Variants in RALY observed in about 807,000 individuals in gnomAD.
RALY encodes the protein RALY heterogeneous nuclear ribonucleoprotein, also known as RNA-binding protein Raly.
A neutral mutation model predicts 30.7 loss-of-function variants in RALY; 15 were observed. The observed-to-expected ratio is 0.49, with a 90% CI of 0.33 to 0.75. The LOEUF is 0.75. Among genes scored for constraint, RALY ranks in the 30% least tolerant of loss-of-function variants. The pLI, the probability that RALY is intolerant of heterozygous loss-of-function variation, is 0.02. For missense variants in RALY, 339 were observed against 414.3 expected (o/e 0.82, Z 1.58); for synonymous variants, 177 against 170.8 (o/e 1.04, Z -0.28).
At position 34,080,491 on chromosome 20, in the gene RALY, T is replaced by A. The variant is rs1193180741; in HGVS notation, c.*586T>A. 6.6e-6 allele frequency: 1 copy of A among 152,230 alleles called. No individual in the cohort carries two copies. Among genetic ancestry groups the A allele is most frequent in the Non-Finnish European group, 1.5e-5 (1 of 68,066 alleles). The allele number at this position is 152,230 out of a possible 1,614,324, so 9.4% of individuals were successfully genotyped here. A position where few individuals can be genotyped will look rare whatever the true frequency, so the allele number is the denominator to read the frequency against. ...GTGACCCACTTGGTTTACCCCATAG[T>A]AGGTCAAGACCTTATCTCTTTCCCC... is the stretch of plus-strand genomic sequence containing the variant. On this transcript the variant is annotated 3_prime_UTR_variant, in exon 10 of 10. Coordinates refer to ENST00000246194, the MANE Select transcript of RALY (RefSeq NM_016732.3).
intron 2 of RALY, among the ~76,000 whole-genome samples, chr20:34,033,451 AT>A (rs2032360957): frequency 6.6e-6 from 1 of 152,200 alleles, no homozygotes; most frequent in African/African-American, 2.4e-5. Flanking sequence ...AAAGTTCAAG[AT>A]TGGGTGTCTG....
intron 1 of RALY, among the ~76,000 whole-genome samples, chr20:34,004,500 A>G (rs891588280): frequency 3.9e-5 from 6 of 152,204 alleles, no homozygotes; most frequent in African/African-American, 1.4e-4. Flanking sequence ...CAACTTGAGT[A>G]GAGGCACAGA....
chr20:34,053,383 ATTTTTTTTT>A lies in RALY; in HGVS notation c.-9-18659_-9-18651del, dbSNP rs60912814. 6.0e-3 allele frequency among the ~76,000 whole-genome samples: 327 copies of A among 54,146 alleles called. 5 individuals carry two copies. Among genetic ancestry groups the A allele is most frequent in the African/African-American group, 0.021 (265 of 12,750 alleles). 35.5% of individuals were successfully genotyped at this position (54,146 alleles called of 152,430 possible). A position where few individuals can be genotyped will look rare whatever the true frequency, so the allele number is the denominator to read the frequency against. On this transcript the variant is annotated intron_variant, in intron 2 of 9. Transcript: ENST00000246194. ...GCCAACATTTAGTAGATGTTCAATA[ATTTTTTTTT>A]TTTTTTTTTTTTTTTTTTTTTTTGA... is the stretch of plus-strand genomic sequence containing the variant.
At chr20:34,036,690 T>C (rs2032508737) in intron 2 of RALY, among the ~76,000 whole-genome samples, 1 of 152,234 alleles carries the variant, frequency 6.6e-6, no homozygotes, top group South Asian at 2.1e-4. Flanking sequence ...GAGTTTAAAA[T>C]TACTAATTCA....
chr20:34,053,722 T>G lies in RALY; in HGVS notation c.-9-18344T>G, dbSNP rs186911848. Among the ~76,000 whole-genome samples, 49 of 152,208 alleles carry G rather than the reference T, an allele frequency of 3.2e-4. 1 individual carries two copies. The highest frequency in any genetic ancestry group is 6.8e-3 in the Middle Eastern group (2 of 294). On this transcript the variant is annotated intron_variant, in intron 2 of 9. Coordinates refer to ENST00000246194, the MANE Select transcript of RALY (RefSeq NM_016732.3). ...AAGAAATATTTATTAATTGAAAATT[T>G]TAGTACATTCTCAGGGATTAACTTA...
At chr20:34,057,905 C>T (rs2033301395) in intron 2 of RALY, among the ~76,000 whole-genome samples, 1 of 152,124 alleles carries the variant, frequency 6.6e-6, no homozygotes, top group Admixed American at 6.5e-5. Context: ...AATGAGATGT[C>T]CAAGGTCACA....
At chr20:34,004,503 G>A (rs2031071557) in intron 1 of RALY, among the ~76,000 whole-genome samples, 1 of 152,204 alleles carries the variant, frequency 6.6e-6, no homozygotes, top group African/African-American at 2.4e-5. Context: ...CTTGAGTAGA[G>A]GCACAGATGA....
At chr20:34,016,433 T>G (rs574657041) in intron 1 of RALY, 14 of 152,244 alleles carry the variant, frequency 9.2e-5, no homozygotes, top group Admixed American at 3.3e-4. Flanking sequence ...CTGAGTTCAC[T>G]GCTATTGGAA....
At chr20:34,037,833 T>C (rs1191792129) in intron 2 of RALY, among the ~76,000 whole-genome samples, 2 of 152,004 alleles carry the variant, frequency 1.3e-5, no homozygotes, top group East Asian at 3.9e-4. Context: ...TTGACCAGAG[T>C]GGACCTGATA....
chr20:34,020,051 A>G (rs1439524544), intron 1 of RALY, among the ~76,000 whole-genome samples: 1 of 152,004 alleles, frequency 6.6e-6, no homozygotes, highest in African/African-American at 2.4e-5. Context: ...ACAGAGCAAG[A>G]CTCTGTCTCA....
chr20:33,995,730 C>T (rs2030587581), intron 1 of RALY, among the ~76,000 whole-genome samples: 1 of 152,198 alleles, frequency 6.6e-6, no homozygotes, highest in African/African-American at 2.4e-5. Context: ...TCATATCTGC[C>T]TTTCCCCGCT....
At chr20:34,016,088 C>T (rs1254541059) in intron 1 of RALY, among the ~76,000 whole-genome samples, 1 of 152,166 alleles carries the variant, frequency 6.6e-6, no homozygotes, top group African/African-American at 2.4e-5. Context: ...CACAAGTCCT[C>T]CCCTCCACAC....
At chr20:34,031,374 T>G (rs909092951) in intron 1 of RALY, 148 bp from the exon 2 acceptor site, 1 of 152,138 alleles carries the variant, frequency 6.6e-6, no homozygotes, top group African/African-American at 2.4e-5. Context: ...CTTATTTTTC[T>G]TTATGGCACT....
intron 2 of RALY, among the ~76,000 whole-genome samples, chr20:34,055,465 G>A (rs186972413): frequency 9.9e-5 from 15 of 152,238 alleles, no homozygotes; most frequent in Admixed American, 7.8e-4. Context: ...GGGGCATGGG[G>A]GCTGTGGTAT....
chr20:34,070,147 C>T (rs1357393673), intron 2 of RALY, among the ~76,000 whole-genome samples: 1 of 152,136 alleles, frequency 6.6e-6, no homozygotes, highest in Non-Finnish European at 1.5e-5. Flanking sequence ...GAAGTCCCCC[C>T]AAAATATTAG....
intron 1 of RALY, chr20:34,017,827 G>A (rs976069572): frequency 6.6e-6 from 1 of 152,230 alleles, no homozygotes; most frequent in East Asian, 1.9e-4. Context: ...AGTGTCTCCT[G>A]TGTGTCAGGG....
Position 34,010,625 on chromosome 20 carries a change from G to A in RALY, c.-93+16494G>A, listed in dbSNP as rs558445573. On this transcript the variant is annotated intron_variant, in intron 1 of 9. Transcript: ENST00000246194. ...ACTGAAACATCATCCAGTATGTGGA[G>A]TACTGTGGTAATTTCCATGACAACT... 5.3e-5 allele frequency among the ~76,000 whole-genome samples: 8 copies of A among 152,292 alleles called. No individual in the cohort carries two copies. In the South Asian group the frequency reaches 1.7e-3, roughly 32 times the overall value.
chr20:34,081,468 C>T lies in RALY; in HGVS notation c.*1563C>T, dbSNP rs916518388. The T allele has an allele frequency of 6.6e-6, 1 of 152,268 alleles. No homozygotes were observed. Among genetic ancestry groups the T allele is most frequent in the Admixed American group, 6.5e-5 (1 of 15,288 alleles). The allele number at this position is 152,268 out of a possible 1,614,324, so 9.4% of individuals were successfully genotyped here. On this transcript the variant is annotated 3_prime_UTR_variant, in exon 10 of 10. Transcript: ENST00000246194. ...AGCCTTCCCCCAACACAGAAAAATT[C>T]AATCCCATCATCAAAAAGGGCTTTA...
chr20:34,048,638 C>T (rs1167746991), intron 2 of RALY, among the ~76,000 whole-genome samples: 2 of 152,026 alleles, frequency 1.3e-5, no homozygotes, highest in East Asian at 1.9e-4. Flanking sequence ...AGGTGGATCA[C>T]GAGGTCAGGA....
Sources: allele counts gnomAD v4.1 joint callset (sites outside exome capture counted in the v4.1 genomes callset), GRCh38; gene constraint gnomAD v4.1.1; transcripts MANE v1.5; gene names NCBI Gene and HGNC (gene_info 2026-07-23, HGNC 2026-07-21).